Variants in TSPAN12 observed in about 807,000 individuals in gnomAD.
The protein encoded by TSPAN12 is tetraspanin-12.
In TSPAN12, 19 loss-of-function variants were observed where a neutral mutation model predicts 39.2. That is an observed-to-expected ratio of 0.49 (90% CI 0.34 to 0.71). The LOEUF (loss-of-function observed/expected upper bound fraction) is 0.71. TSPAN12 is among the 30% of genes least tolerant of loss of function. The pLI is 0.01. For missense variants in TSPAN12, 314 were observed against 359.9 expected (o/e 0.87, Z 1.03); for synonymous variants, 119 against 124.8 (o/e 0.95, Z 0.31).
chr7:120,793,699 A>T lies in TSPAN12; in HGVS notation c.613-4802T>A, dbSNP rs146475331. Among the ~76,000 whole-genome samples the T allele has an allele frequency of 2.2e-3, 335 of 152,362 alleles. 1 individual carries two copies. Among genetic ancestry groups the T allele is most frequent in the African/African-American group, 7.7e-3 (318 of 41,568 alleles). ...AAGAAATGAAATCAGTTGACATCTC[A>T]GTACTGTATGTCCATCCGTCAAACC... On this transcript the variant is annotated intron_variant, in intron 7 of 7. Transcript: ENST00000222747.
At chr7:120,855,848 T>C (rs528167228) in intron 2 of TSPAN12, among the ~76,000 whole-genome samples, 174 of 152,186 alleles carry the variant, frequency 1.1e-3, no homozygotes, top group Non-Finnish European at 2.2e-3. Flanking sequence ...ACAATAAAAT[T>C]TGTAACAGAA....
chr7:120,840,801 T>C (rs542316823), intron 2 of TSPAN12, among the ~76,000 whole-genome samples: 1 of 152,356 alleles, frequency 6.6e-6, no homozygotes, highest in East Asian at 1.9e-4. Flanking sequence ...TTAAACTTTT[T>C]ATGGAAGAAT....
chr7:120,827,247 T>A (rs1794307126), intron 4 of TSPAN12, among the ~76,000 whole-genome samples: 1 of 152,214 alleles, frequency 6.6e-6, no homozygotes. Context: ...TTCTCCAGAA[T>A]GACCACAAAC....
intron 2 of TSPAN12, among the ~76,000 whole-genome samples, chr7:120,849,938 G>A (rs1794739660): frequency 6.6e-6 from 1 of 152,136 alleles, no homozygotes; most frequent in South Asian, 2.1e-4. Context: ...TTGATTATTT[G>A]GAGGCTGGTC....
At chr7:120,796,854 T>C (rs1219224941) in intron 7 of TSPAN12, among the ~76,000 whole-genome samples, 1 of 152,136 alleles carries the variant, frequency 6.6e-6, no homozygotes, top group Non-Finnish European at 1.5e-5. Context: ...AATTAGTGTT[T>C]ATATAAGAAC....
intron 5 of TSPAN12, among the ~76,000 whole-genome samples, chr7:120,812,712 T>C (rs1794005882): frequency 6.6e-6 from 1 of 152,160 alleles, no homozygotes; most frequent in South Asian, 2.1e-4. Flanking sequence ...TCAACAAGGT[T>C]CAGGGAACTA....
At chr7:120,791,003 T>C (rs930840529) in intron 7 of TSPAN12, among the ~76,000 whole-genome samples, 2 of 152,100 alleles carry the variant, frequency 1.3e-5, no homozygotes, top group African/African-American at 4.8e-5. Flanking sequence ...TATTAATATT[T>C]TAGTAATAAT....
chr7:120,849,711 A>G (rs1431640140), intron 2 of TSPAN12, among the ~76,000 whole-genome samples: 1 of 152,170 alleles, frequency 6.6e-6, no homozygotes, highest in Non-Finnish European at 1.5e-5. Flanking sequence ...AAAATGGGAA[A>G]ATTGGACCAG....
Position 120,816,828 on chromosome 7 carries a change from G to A in TSPAN12, c.286-1025C>T, listed in dbSNP as rs1794093053. ...TGAGGGGGATGGTGAAGATGCCTTA[G>A]AAGGCAGCACAAGAGGAGGCATGAA... is the stretch of plus-strand genomic sequence containing the variant. On this transcript the variant is annotated intron_variant, in intron 4 of 7. Transcript: ENST00000222747. Among the ~76,000 whole-genome samples, 2 of 152,090 alleles carry A rather than the reference G, an allele frequency of 1.3e-5. 1 individual carries two copies. Among genetic ancestry groups the A allele is most frequent in the Non-Finnish European group, 2.9e-5 (2 of 68,016 alleles).
At chr7:120,836,235 T>C (rs552466303) in intron 4 of TSPAN12, among the ~76,000 whole-genome samples, 1 of 152,114 alleles carries the variant, frequency 6.6e-6, no homozygotes, top group African/African-American at 2.4e-5. Flanking sequence ...AAATTGGTTG[T>C]GAGTGATAGA....
intron 4 of TSPAN12, 108 bp downstream of exon 4, chr7:120,838,669 G>C: frequency 8.6e-7 from 1 of 1,162,034 alleles, no homozygotes; most frequent in Non-Finnish European, 1.3e-6. Context: ...CTTCTTACAG[G>C]ATGTTGTTAC....
At chr7:120,793,876 C>T (rs573757204) in intron 7 of TSPAN12, among the ~76,000 whole-genome samples, 2 of 152,190 alleles carry the variant, frequency 1.3e-5, no homozygotes, top group South Asian at 2.1e-4. Context: ...TATTTTTTCT[C>T]GATAAAGTAG....
chr7:120,790,240 G>A lies in TSPAN12; in HGVS notation c.613-1343C>T, dbSNP rs116145194. On this transcript the variant is annotated intron_variant, in intron 7 of 7. Transcript: ENST00000222747. ...ACTAACCTTGGGTATTACCCCAGAG[G>A]AACGATGCCACTTCAACGGTATAGT... 4.3e-3 allele frequency among the ~76,000 whole-genome samples: 649 copies of A among 152,196 alleles called. 3 individuals carry two copies. The highest frequency in any genetic ancestry group is 0.015 in the African/African-American group (614 of 41,512).
At position 120,850,127 on chromosome 7, in the gene TSPAN12, T is replaced by A. The variant is rs201721402; in HGVS notation, c.66+6571A>T. Among the ~76,000 whole-genome samples, 35 of 152,356 alleles carry A rather than the reference T, an allele frequency of 2.3e-4. 1 individual carries two copies. The East Asian group carries it at 5.6e-3, about 24-fold the overall frequency. On this transcript the variant is annotated intron_variant, in intron 2 of 7. Transcript: ENST00000222747. Reference sequence around the variant, plus strand: ...TAGGCAATGTAAATGATGGCTGAAATACAGTCTGGAGATTACTGGTGGGTA... The same window carrying A: ...TAGGCAATGTAAATGATGGCTGAAAAACAGTCTGGAGATTACTGGTGGGTA...
intron 4 of TSPAN12, among the ~76,000 whole-genome samples, chr7:120,826,095 C>G (rs1031010959): frequency 1.3e-5 from 2 of 152,156 alleles, no homozygotes; most frequent in African/African-American, 4.8e-5. Flanking sequence ...CATGCTTGTA[C>G]TTGAATAAAT....
rs1584916884 is a variant in TSPAN12, at chr7:120,788,516, G to A, written c.*76C>T. ...AACATTTTTATTTCTACATATTTCT[G>A]AAACACATAGTATGTACTCAAAAAT... On this transcript the variant is annotated 3_prime_UTR_variant, in exon 8 of 8. Transcript: ENST00000222747. 6.5e-7 allele frequency: 1 copy of A among 1,529,718 alleles called. No homozygotes were observed. Among genetic ancestry groups the A allele is most frequent in the Non-Finnish European group, 9.0e-7 (1 of 1,105,774 alleles). 94.8% of individuals were successfully genotyped at this position (1,529,718 alleles called of 1,614,324 possible).
At chr7:120,789,115 C>T (rs1793469945) in intron 7 of TSPAN12, among the ~76,000 whole-genome samples, 1 of 152,158 alleles carries the variant, frequency 6.6e-6, no homozygotes, top group Non-Finnish European at 1.5e-5. Flanking sequence ...TGAGCCAACC[C>T]CTTCTTTTGT....
chr7:120,837,571 C>A (rs1330860741), intron 4 of TSPAN12, among the ~76,000 whole-genome samples: 1 of 152,174 alleles, frequency 6.6e-6, no homozygotes, highest in African/African-American at 2.4e-5. Context: ...CTCGGCCTCC[C>A]AAAGTGCTGG....
intron 7 of TSPAN12, among the ~76,000 whole-genome samples, chr7:120,792,339 G>A (rs939762655): frequency 6.6e-6 from 1 of 152,208 alleles, no homozygotes; most frequent in Admixed American, 6.5e-5. Context: ...CTAGGGAACA[G>A]CCTCCGGTCC....
Sources: gnomAD v4.1 joint callset for allele counts (sites outside exome capture counted in the v4.1 genomes callset) on GRCh38, gnomAD v4.1.1 for gene constraint, MANE v1.5 for transcripts, NCBI Gene and HGNC (gene_info 2026-07-23, HGNC 2026-07-21) for gene names.